MIA2: variants seen among roughly 807,000 people sequenced by gnomAD.
MIA2 encodes the protein MIA SH3 domain ER export factor 2.
A neutral mutation model predicts 167.8 loss-of-function variants in MIA2; 127 were observed. The ratio of observed to expected loss-of-function variants is 0.76; its 90% confidence interval spans 0.66 to 0.88. The LOEUF is 0.88. Among genes scored for constraint, MIA2 ranks in the 40% least tolerant of loss-of-function variants. The pLI, the probability that MIA2 is intolerant of heterozygous loss-of-function variation, is 0.00. For missense variants in MIA2, 1,690 were observed against 1,624.7 expected (o/e 1.04, Z -0.69); for synonymous variants, 552 against 541.9 (o/e 1.02, Z -0.26).
In MIA2 at chr14:39,236,905, T is replaced by C; in HGVS notation, c.116-17T>C. ...TTTAATTTAAAGTGTGTATTTTTCT[T>C]TACATGTTTTACATAGCTTTAATAA... On this transcript the variant is annotated splice_polypyrimidine_tract_variant and intron_variant, in intron 1 of 28. Transcript: ENST00000640607. The C allele has an allele frequency of 6.3e-7, 1 of 1,589,952 alleles. No homozygotes were observed. The highest frequency in any genetic ancestry group is 8.5e-7 in the Non-Finnish European group (1 of 1,172,064).
chr14:39,237,108 A>G, intron 2 of MIA2, 53 bp downstream of exon 2: 1 of 1,588,924 alleles, frequency 6.3e-7, no homozygotes, highest in Non-Finnish European at 8.6e-7. Context: ...AACTTGCACA[A>G]AGATTCCTTC....
chr14:39,275,298 G>A (rs2057831744), intron 6 of MIA2, among the ~76,000 whole-genome samples: 1 of 151,858 alleles, frequency 6.6e-6, no homozygotes, highest in Non-Finnish European at 1.5e-5. Context: ...CTGCCACCAT[G>A]CCTGGCTAAT....
Position 39,279,436 on chromosome 14 carries a change from T to G in MIA2, c.2042-13T>G. ...ATAATTTACTCATGGTAATATTGAC[T>G]TGACTTTTTTAGGACGAGAGAAAAA... On this transcript the variant is annotated splice_polypyrimidine_tract_variant and intron_variant, in intron 8 of 28. Transcript: ENST00000640607. 6.2e-7 allele frequency: 1 copy of G among 1,604,042 alleles called. No homozygotes were observed. Among genetic ancestry groups the G allele is most frequent in the South Asian group, 1.1e-5 (1 of 87,920 alleles).
At chr14:39,267,581 A>G (rs1233599818) in intron 6 of MIA2, 60 of 1,593,506 alleles carry the variant, frequency 3.8e-5, no homozygotes, top group Non-Finnish European at 4.9e-5. Flanking sequence ...CGCCGGGGGA[A>G]GGAAGCAGTA....
At chr14:39,284,276 A>G (rs538951567) in intron 9 of MIA2, among the ~76,000 whole-genome samples, 16 of 152,202 alleles carry the variant, frequency 1.1e-4, no homozygotes, top group African/African-American at 3.4e-4. Context: ...TGCGTGTGAA[A>G]TCCAGTTTTC....
intron 14 of MIA2, among the ~76,000 whole-genome samples, 173 bp downstream of exon 14, chr14:39,300,159 C>A (rs900132147): frequency 6.6e-6 from 1 of 152,170 alleles, no homozygotes; most frequent in Non-Finnish European, 1.5e-5. Flanking sequence ...TGTACATACA[C>A]ATACACACAC....
At chr14:39,277,776 A>ATATT (rs1555358834) in intron 7 of MIA2, among the ~76,000 whole-genome samples, 742 of 35,760 alleles carry the variant, frequency 0.021, 177 homozygotes, top group East Asian at 0.076. Context: ...ATATATATAT[A>ATATT]TATATTTATA....
chr14:39,376,189 A>C (rs1248248608), intron 23 of MIA2, among the ~76,000 whole-genome samples: 1 of 152,130 alleles, frequency 6.6e-6, no homozygotes, highest in Non-Finnish European at 1.5e-5. Flanking sequence ...CCTGGCCTCA[A>C]GTGATCTGCC....
chr14:39,344,620 C>CT (rs2072794333), intron 25 of MIA2, among the ~76,000 whole-genome samples: 1 of 152,164 alleles, frequency 6.6e-6, no homozygotes, highest in Non-Finnish European at 1.5e-5. Flanking sequence ...ATAAGGTCCC[C>CT]TGTGGCAGAG....
At chr14:39,242,486 C>A (rs892670574) in intron 3 of MIA2, among the ~76,000 whole-genome samples, 31 of 152,028 alleles carry the variant, frequency 2.0e-4, no homozygotes, top group African/African-American at 5.3e-4. Context: ...CCAAGCCTGG[C>A]TATTTTTTGT....
chr14:39,272,135 C>G (rs1470801053), intron 6 of MIA2, among the ~76,000 whole-genome samples: 2 of 152,024 alleles, frequency 1.3e-5, no homozygotes, highest in Non-Finnish European at 2.9e-5. Flanking sequence ...GGGTGGATCA[C>G]GAGGTCAGGA....
chr14:39,299,305 C>CTTTTTTTTTTT (rs34424266), intron 13 of MIA2, among the ~76,000 whole-genome samples: 52 of 95,110 alleles, frequency 5.5e-4, no homozygotes, highest in Non-Finnish European at 7.4e-4. Context: ...AATGGTATTT[C>CTTTTTTTTTTT]TTTTTTTTTT....
At chr14:39,268,704 T>A (rs993922978) in intron 6 of MIA2, among the ~76,000 whole-genome samples, 2 of 152,148 alleles carry the variant, frequency 1.3e-5, no homozygotes, top group Admixed American at 1.3e-4. Flanking sequence ...GTAGATTAGA[T>A]GTTAGGGAAA....
chr14:39,292,031 C>G (rs142638455), intron 10 of MIA2, among the ~76,000 whole-genome samples: 1 of 152,270 alleles, frequency 6.6e-6, no homozygotes, highest in Non-Finnish European at 1.5e-5. Flanking sequence ...TGTTATGATT[C>G]AGAATTTTCT....
At chr14:39,275,071 T>A (rs1333535147) in intron 6 of MIA2, among the ~76,000 whole-genome samples, 1 of 99,270 alleles carries the variant, frequency 1.0e-5, no homozygotes, top group Non-Finnish European at 2.1e-5. Context: ...TGAGACTCCG[T>A]CTCAAAAAAA....
At chr14:39,332,692 G>A (rs1260072870) in intron 25 of MIA2, among the ~76,000 whole-genome samples, 1 of 152,090 alleles carries the variant, frequency 6.6e-6, no homozygotes, top group East Asian at 1.9e-4. Flanking sequence ...CTGAACGCTT[G>A]TGCTTCCCAG....
At chr14:39,323,544 T>C (rs945424144) in intron 24 of MIA2, among the ~76,000 whole-genome samples, 2 of 147,864 alleles carry the variant, frequency 1.4e-5, no homozygotes, top group African/African-American at 5.0e-5. Flanking sequence ...TGAAATATAA[T>C]TGAAACCGCT....
At chr14:39,308,727 G>T in intron 18 of MIA2, 140 bp downstream of exon 18, 1 of 708,292 alleles carries the variant, frequency 1.4e-6, no homozygotes, top group Non-Finnish European at 2.1e-6. Context: ...TTTAAGAAAG[G>T]TATTTGATCT....
chr14:39,386,769 C>T (rs1366820027), intron 23 of MIA2: 16 of 1,319,020 alleles, frequency 1.2e-5, no homozygotes, highest in Admixed American at 5.1e-5. Context: ...CTGAAATGCC[C>T]GCTTCTTTGC....
Sources: allele counts gnomAD v4.1 joint callset (sites outside exome capture counted in the v4.1 genomes callset), GRCh38; gene constraint gnomAD v4.1.1; transcripts MANE v1.5; gene names NCBI Gene and HGNC (gene_info 2026-07-23, HGNC 2026-07-21).